The following GPATCH2 variants were observed in gnomAD, a reference collection of about 807,000 sequenced individuals.
GPATCH2 encodes G patch domain-containing protein 2.
A neutral mutation model predicts 58.0 loss-of-function variants in GPATCH2; 51 were observed. The ratio of observed to expected loss-of-function variants is 0.88; its 90% CI spans 0.70 to 1.11. The LOEUF is 1.11. Among genes scored for constraint, GPATCH2 ranks in the 50% most tolerant of loss-of-function variants. GPATCH2 has a pLI of 0.00. For missense variants in GPATCH2, 625 were observed against 652.2 expected, an observed-to-expected ratio of 0.96 and a Z score of 0.45; for synonymous variants, 222 against 218.5, an observed-to-expected ratio of 1.02 and a Z score of -0.14.
At chr1:217,515,585 G>C (rs999637558) in intron 5 of GPATCH2, among the ~76,000 whole-genome samples, 1 of 152,026 alleles carries the variant, frequency 6.6e-6, no homozygotes, top group African/African-American at 2.4e-5. Flanking sequence ...GCACACGTCT[G>C]TAATCCCAGC....
intron 5 of GPATCH2, among the ~76,000 whole-genome samples, chr1:217,547,508 A>C (rs1665124068): frequency 6.6e-6 from 1 of 152,220 alleles, no homozygotes; most frequent in Non-Finnish European, 1.5e-5. Flanking sequence ...TCGATCCAGC[A>C]ATCTCATTAC....
At chr1:217,490,118 T>C (rs1661648729) in intron 8 of GPATCH2, among the ~76,000 whole-genome samples, 1 of 152,218 alleles carries the variant, frequency 6.6e-6, no homozygotes, top group African/African-American at 2.4e-5. Flanking sequence ...TTTTACTTCA[T>C]CTTTGTACAT....
At chr1:217,488,153 G>A (rs960859115) in intron 8 of GPATCH2, among the ~76,000 whole-genome samples, 1 of 152,166 alleles carries the variant, frequency 6.6e-6, no homozygotes, top group Non-Finnish European at 1.5e-5. Context: ...GTTGATACTA[G>A]CTTTATGGCC....
At chr1:217,458,949 A>G (rs908472048) in intron 8 of GPATCH2, among the ~76,000 whole-genome samples, 1 of 152,204 alleles carries the variant, frequency 6.6e-6, no homozygotes, top group Non-Finnish European at 1.5e-5. Context: ...CTAAATATAT[A>G]TGGAAAACAA....
chr1:217,562,912 T>G (rs375281776), intron 5 of GPATCH2, among the ~76,000 whole-genome samples: 2 of 152,220 alleles, frequency 1.3e-5, no homozygotes, highest in African/African-American at 4.8e-5. Context: ...CTTTGAAAAC[T>G]TTAACAGTAC....
At chr1:217,438,942 G>T (rs751401556) in intron 9 of GPATCH2, among the ~76,000 whole-genome samples, 4 of 152,114 alleles carry the variant, frequency 2.6e-5, no homozygotes, top group Non-Finnish European at 2.9e-5. Context: ...ACACTCTGCT[G>T]CCAATATTAG....
intron 2 of GPATCH2, among the ~76,000 whole-genome samples, chr1:217,614,825 T>C (rs1038013243): frequency 6.7e-6 from 1 of 149,626 alleles, no homozygotes; most frequent in Non-Finnish European, 1.5e-5. Context: ...AGTGTGTACA[T>C]ATATTCCCAC....
intron 8 of GPATCH2, among the ~76,000 whole-genome samples, chr1:217,472,284 G>A (rs116177134): frequency 0.02 from 2,831 of 138,602 alleles, 100 homozygotes; most frequent in African/African-American, 0.07. Context: ...CTTAGTGCAT[G>A]TTTTCAACAG....
At chr1:217,600,920 A>C (rs1668074167) in intron 5 of GPATCH2, among the ~76,000 whole-genome samples, 1 of 152,190 alleles carries the variant, frequency 6.6e-6, no homozygotes, top group African/African-American at 2.4e-5. Context: ...CAATGTTTTT[A>C]AAGACATTCA....
At chr1:217,625,377 T>A (rs762899247) in intron 1 of GPATCH2, among the ~76,000 whole-genome samples, 2 of 152,218 alleles carry the variant, frequency 1.3e-5, no homozygotes, top group African/African-American at 4.8e-5. Context: ...TAATCTACCC[T>A]AAGAACTGGG....
At chr1:217,489,931 C>A (rs1661639425) in intron 8 of GPATCH2, among the ~76,000 whole-genome samples, 1 of 152,170 alleles carries the variant, frequency 6.6e-6, no homozygotes, top group Non-Finnish European at 1.5e-5. Flanking sequence ...CTACAAATTA[C>A]ATTATTACAA....
chr1:217,596,375 T>C (rs985770916), intron 5 of GPATCH2, among the ~76,000 whole-genome samples: 27 of 152,314 alleles, frequency 1.8e-4, no homozygotes, highest in African/African-American at 6.3e-4. Context: ...CCTTGGGAAA[T>C]TGGCCACAGG....
chr1:217,547,848 T>C (rs1313922079), intron 5 of GPATCH2, among the ~76,000 whole-genome samples: 3 of 152,066 alleles, frequency 2.0e-5, no homozygotes, highest in African/African-American at 7.2e-5. Context: ...GGCGGGTGAT[T>C]GAATCATGGG....
At chr1:217,542,457 GA>G (rs980129634) in intron 5 of GPATCH2, among the ~76,000 whole-genome samples, 11 of 152,122 alleles carry the variant, frequency 7.2e-5, no homozygotes, top group Non-Finnish European at 1.6e-4. Flanking sequence ...CTACTGGAAA[GA>G]AAAAAATTCC....
At position 217,586,365 on chromosome 1, in the gene GPATCH2, C is replaced by CT. The variant is rs34196545; in HGVS notation, c.1098+23955dup. Among the ~76,000 whole-genome samples the CT allele has an allele frequency of 2.4e-4, 36 of 149,196 alleles. No individual in the cohort carries two copies. In the South Asian group the frequency reaches 2.8e-3, roughly 11 times the overall value. ...CTATAAGCTTTCTTCTATTTTATACCTTTTTTTTTTAACTTTTAAAACTTT... is the reference window on the plus strand; with the variant it reads ...CTATAAGCTTTCTTCTATTTTATACCTTTTTTTTTTTAACTTTTAAAACTTT... On this transcript the variant is annotated intron_variant, in intron 5 of 9. Coordinates refer to ENST00000366935, the MANE Select transcript of GPATCH2 (RefSeq NM_018040.5).
intron 8 of GPATCH2, among the ~76,000 whole-genome samples, chr1:217,474,774 T>C (rs1660897627): frequency 1.3e-5 from 2 of 152,168 alleles, no homozygotes; most frequent in Admixed American, 1.3e-4. Context: ...GACCCTACAA[T>C]TTATTGATTT....
chr1:217,483,397 A>G (rs2102520628), intron 8 of GPATCH2, among the ~76,000 whole-genome samples: 1 of 152,192 alleles, frequency 6.6e-6, no homozygotes, highest in African/African-American at 2.4e-5. Context: ...GTTGCCCAGG[A>G]TGGCCTTGAG....
intron 5 of GPATCH2, among the ~76,000 whole-genome samples, chr1:217,593,776 C>T (rs1328388074): frequency 6.6e-6 from 1 of 151,784 alleles, no homozygotes; most frequent in African/African-American, 2.4e-5. Context: ...TTGTAAAAAC[C>T]ATAAAATTAA....
chr1:217,485,113 G>C (rs1381766023), intron 8 of GPATCH2, among the ~76,000 whole-genome samples: 2 of 152,172 alleles, frequency 1.3e-5, no homozygotes, highest in African/African-American at 4.8e-5. Flanking sequence ...AAGCTAGGGA[G>C]TAATGGGGTA....
Sources: allele counts gnomAD v4.1 joint callset (sites outside exome capture counted in the v4.1 genomes callset), GRCh38; gene constraint gnomAD v4.1.1; transcripts MANE v1.5; gene names NCBI Gene and HGNC (gene_info 2026-07-23, HGNC 2026-07-21).